The following SOX6 variants were observed in gnomAD, a reference collection of about 807,000 sequenced individuals.
The protein encoded by SOX6 is SRY-box transcription factor 6.
Under a neutral mutation model 97.8 loss-of-function variants are expected in SOX6, and 11 were observed. That is an observed-to-expected ratio of 0.11 (90% confidence interval 0.07 to 0.19). The LOEUF (loss-of-function observed/expected upper bound fraction) is 0.19, where lower values mean the gene tolerates loss of function less well. Among genes scored for constraint, SOX6 ranks in the 10% least tolerant of loss-of-function variants. The pLI is 1.00. For synonymous variants in SOX6, 360 were observed against 371.4 expected (o/e 0.97, Z 0.35); for missense variants, 810 against 1,039.5 (o/e 0.78, Z 3.04).
At chr11:16,269,465 G>A (rs1854181115) in intron 3 of SOX6, among the ~76,000 whole-genome samples, 1 of 148,602 alleles carries the variant, frequency 6.7e-6, no homozygotes, top group African/African-American at 2.5e-5. Flanking sequence ...AAAACTTCGG[G>A]GAATGTGTTA....
At chr11:15,981,232 T>C (rs1853645884) in intron 15 of SOX6, among the ~76,000 whole-genome samples, 1 of 152,094 alleles carries the variant, frequency 6.6e-6, no homozygotes, top group Admixed American at 6.6e-5. Context: ...AAATAATGAA[T>C]GTGCACATCA....
chr11:16,632,902 T>G (rs989734447), intron 3 of SOX6, among the ~76,000 whole-genome samples: 1 of 152,168 alleles, frequency 6.6e-6, no homozygotes, highest in Non-Finnish European at 1.5e-5. Flanking sequence ...TGCCTGAGGA[T>G]CTGCCTGGGC....
intron 3 of SOX6, among the ~76,000 whole-genome samples, chr11:16,649,838 T>C (rs939463218): frequency 6.6e-6 from 1 of 151,932 alleles, no homozygotes; most frequent in African/African-American, 2.4e-5. Context: ...GAATAGCAAA[T>C]AGCAGAATCG....
chr11:16,703,785 G>T (rs1283352737), intron 3 of SOX6, among the ~76,000 whole-genome samples: 1 of 152,062 alleles, frequency 6.6e-6, no homozygotes, highest in Non-Finnish European at 1.5e-5. Context: ...AGAAGAATTT[G>T]TATTTCTCTT....
intron 3 of SOX6, among the ~76,000 whole-genome samples, chr11:16,625,750 G>A (rs115750032): frequency 0.011 from 1,704 of 152,322 alleles, 23 homozygotes; most frequent in African/African-American, 0.039. Flanking sequence ...AGAACTTCCA[G>A]ATTGGTAAAC....
intron 4 of SOX6, among the ~76,000 whole-genome samples, chr11:16,515,169 T>C (rs1860949731): frequency 6.6e-6 from 1 of 151,464 alleles, no homozygotes; most frequent in Non-Finnish European, 1.5e-5. Flanking sequence ...ACCAACAGTG[T>C]AAAAGTGTTC....
chr11:16,532,338 G>T (rs1861247780), intron 4 of SOX6, among the ~76,000 whole-genome samples: 1 of 151,786 alleles, frequency 6.6e-6, no homozygotes, highest in Admixed American at 6.6e-5. Context: ...ATCAAGAAAT[G>T]AGACAAAGCT....
At chr11:16,502,062 C>T (rs1485146218) in intron 4 of SOX6, among the ~76,000 whole-genome samples, 1 of 152,132 alleles carries the variant, frequency 6.6e-6, no homozygotes, top group African/African-American at 2.4e-5. Context: ...GGAACCAAGC[C>T]TAATGTCCAA....
intron 4 of SOX6, among the ~76,000 whole-genome samples, chr11:16,228,351 G>C (rs974623092): frequency 7.9e-5 from 12 of 152,074 alleles, no homozygotes; most frequent in Non-Finnish European, 1.5e-4. Flanking sequence ...AACTTGGTTT[G>C]AATCCTGATT....
At chr11:16,209,475 G>A (rs1011047107) in intron 4 of SOX6, among the ~76,000 whole-genome samples, 2 of 152,152 alleles carry the variant, frequency 1.3e-5, no homozygotes, top group Admixed American at 1.3e-4. Flanking sequence ...ATATTTCTGG[G>A]CCCGGCAGGG....
chr11:16,250,014 T>A (rs1180229275), intron 3 of SOX6, among the ~76,000 whole-genome samples: 1 of 152,312 alleles, frequency 6.6e-6, no homozygotes, highest in Middle Eastern at 3.4e-3. Flanking sequence ...TTCTATAATA[T>A]TTTGGCTTTC....
rs563373275 is a variant in SOX6 at position 16,514,875 on chromosome 11, C to T, written n.610-38487G>A. ...TCCATGTCCCTACAAAGGACATGAA[C>T]TCATCATTTTTTATGGCTGCATAGT... On this transcript the variant is annotated intron_variant and non_coding_transcript_variant, in intron 4 of 5. Transcript: ENST00000524520. 3.5e-4 allele frequency among the ~76,000 whole-genome samples: 53 copies of T among 151,872 alleles called. 2 individuals are homozygous for T. In the South Asian group the frequency reaches 0.01, roughly 29 times the overall value.
chr11:16,215,830 T>C (rs1440383595), intron 4 of SOX6, among the ~76,000 whole-genome samples: 2 of 152,218 alleles, frequency 1.3e-5, no homozygotes, highest in African/African-American at 4.8e-5. Context: ...CATTCTCATA[T>C]AGAGGATGAT....
chr11:16,469,362 A>C (rs2133114253), intron 1 of SOX6, among the ~76,000 whole-genome samples: 1 of 152,280 alleles, frequency 6.6e-6, no homozygotes, highest in East Asian at 1.9e-4. Context: ...AAACTCTGAC[A>C]GATTCTTAAG....
rs1361297373 is a variant in SOX6, at chr11:16,300,147, TC to T, written c.445+18298del. Among the ~76,000 whole-genome samples, 6 of 152,132 alleles carry T rather than the reference TC, an allele frequency of 3.9e-5. No individual in the cohort carries two copies. The highest frequency in any genetic ancestry group is 8.8e-5 in the Non-Finnish European group (6 of 68,024). On this transcript the variant is annotated intron_variant, in intron 3 of 15. Transcript: ENST00000683767. The surrounding 1 kb of genome is among the most constrained non-coding windows in gnomAD (Gnocchi z 4.1). ...GATGGCAAGCGAGGCCCTTCCTCCT[TC>T]AGCAAGCTTCCCCAGTACTTGGGGT...
intron 9 of SOX6, among the ~76,000 whole-genome samples, chr11:16,061,164 T>C (rs1224461538): frequency 6.6e-6 from 1 of 151,654 alleles, no homozygotes; most frequent in Non-Finnish European, 1.5e-5. Flanking sequence ...AATTATTCTT[T>C]TGAAGTAGTT....
chr11:16,025,516 G>C (rs998402097), intron 12 of SOX6, among the ~76,000 whole-genome samples: 1 of 152,102 alleles, frequency 6.6e-6, no homozygotes, highest in Admixed American at 6.5e-5. Context: ...TGTCCAAAAA[G>C]GTATCTTGGG....
At chr11:16,494,480 A>T (rs1312856233) in intron 4 of SOX6, among the ~76,000 whole-genome samples, 2 of 152,242 alleles carry the variant, frequency 1.3e-5, no homozygotes, top group Non-Finnish European at 1.5e-5. Flanking sequence ...AAAGCGATAT[A>T]CAAAAGCAAA....
chr11:16,117,309 T>C (rs1425995106), intron 6 of SOX6, among the ~76,000 whole-genome samples: 3 of 150,182 alleles, frequency 2.0e-5, no homozygotes, highest in Non-Finnish European at 4.4e-5. Flanking sequence ...GCCGAGATCA[T>C]GCCACCGCAC....
Sources: allele counts gnomAD v4.1 joint callset (sites outside exome capture counted in the v4.1 genomes callset), GRCh38; gene constraint gnomAD v4.1.1; non-coding constraint Gnocchi (gnomAD v3.1); transcripts MANE v1.5; gene names NCBI Gene and HGNC (gene_info 2026-07-23, HGNC 2026-07-21).